The following KSR2 variants were observed in gnomAD, a reference collection of about 807,000 sequenced individuals.
The protein encoded by KSR2 is kinase suppressor of ras 2.
Under a neutral mutation model 107.8 loss-of-function variants are expected in KSR2, and 25 were observed. The ratio of observed to expected loss-of-function variants is 0.23; its 90% CI spans 0.17 to 0.32. The LOEUF (loss-of-function observed/expected upper bound fraction) is 0.32, where lower values mean the gene tolerates loss of function less well. KSR2 is among the 10% of genes least tolerant of loss of function. KSR2 has a pLI of 1.00. For synonymous variants in KSR2, 480 were observed against 507.0 expected, an observed-to-expected ratio of 0.95 and a Z score of 0.71; for missense variants, 887 against 1,268.9, an observed-to-expected ratio of 0.70 and a Z score of 4.57.
rs1488730281 is a variant in KSR2, at chr12:117,476,579, G to A, written c.2467C>T (p.Arg823Cys). The change falls in exon 17 of 20, where the codon CGC (arginine) becomes TGC (cysteine). Residue 823 changes from arginine (R) to cysteine (C), a missense_variant. Arg to Cys is a radical substitution (Grantham distance 180). Transcript: ENST00000339824. The stretch of plus-strand genomic sequence containing the variant: ...TGGCATAGCCAGCCATTCTGGATGC[G>A]CAGTTTGTCCTCCCGCCTGGAGAAG... The part of the protein sequence containing the change: ...LQAGRREDKL[R>C]IQNGWLCHLA... 13 of 1,611,066 alleles carry A rather than the reference G, an allele frequency of 8.1e-6. No homozygotes were observed. Among genetic ancestry groups the A allele is most frequent in the Middle Eastern group, 1.7e-4 (1 of 6,058 alleles).
intron 4 of KSR2, among the ~76,000 whole-genome samples, chr12:117,682,403 C>T (rs1190560556): frequency 6.6e-6 from 1 of 152,034 alleles, no homozygotes; most frequent in Admixed American, 6.6e-5. Context: ...ATGTCCTGCA[C>T]ATGTACTTCA....
rs138142700 is a variant in KSR2, at chr12:117,510,209, G to A, written c.2219+14643C>T. On this transcript the variant is annotated intron_variant, in intron 14 of 19. Transcript: ENST00000339824. ...CCAAAAGCACCAAGCCCACTGATACGTGGAAAAAGTCAAAGTGCTTAGAAC... is the reference window on the plus strand; with the variant it reads ...CCAAAAGCACCAAGCCCACTGATACATGGAAAAAGTCAAAGTGCTTAGAAC... Among the ~76,000 whole-genome samples, 448 of 152,282 alleles carry A rather than the reference G, an allele frequency of 2.9e-3. 4 individuals carry two copies. The highest frequency in any genetic ancestry group is 8.5e-3 in the African/African-American group (353 of 41,554).
At chr12:117,579,910 C>A (rs189335542) in intron 6 of KSR2, among the ~76,000 whole-genome samples, 19 of 152,272 alleles carry the variant, frequency 1.2e-4, no homozygotes, top group African/African-American at 4.3e-4. Context: ...CGATTAACTC[C>A]CTGGGCACAT....
intron 3 of KSR2, among the ~76,000 whole-genome samples, chr12:117,843,599 A>C (rs1263150454): frequency 6.6e-6 from 1 of 152,244 alleles, no homozygotes; most frequent in Admixed American, 6.5e-5. Flanking sequence ...CCTGAAGAGT[A>C]ACATGGGTTG....
At chr12:117,868,149 C>T (rs1018260455) in intron 1 of KSR2, among the ~76,000 whole-genome samples, 8 of 152,088 alleles carry the variant, frequency 5.3e-5, no homozygotes, top group African/African-American at 1.7e-4. Context: ...AAAATACGGC[C>T]GGGCACAGTG....
intron 5 of KSR2, among the ~76,000 whole-genome samples, chr12:117,612,815 T>A (rs1434053994): frequency 6.6e-6 from 1 of 152,190 alleles, no homozygotes; most frequent in Admixed American, 6.5e-5. Flanking sequence ...TGGATCATGG[T>A]GGCAGTTTCC....
chr12:117,536,706 A>G (rs1876079235), intron 10 of KSR2, among the ~76,000 whole-genome samples: 1 of 152,242 alleles, frequency 6.6e-6, no homozygotes, highest in Non-Finnish European at 1.5e-5. Flanking sequence ...TATATAGAGT[A>G]CTACATTCCT....
chr12:117,608,084 A>G lies in KSR2; in HGVS notation c.1172-25725T>C, dbSNP rs373018645. On this transcript the variant is annotated intron_variant, in intron 5 of 19. Coordinates refer to ENST00000339824, the MANE Select transcript of KSR2 (RefSeq NM_173598.6). ...AACTGTGGAGAGAAGGCAGCAAGGC[A>G]TTGGAGCAAACGATTAAGGCTTGAA... Among the ~76,000 whole-genome samples the G allele has an allele frequency of 2.6e-5, 4 of 152,378 alleles. 1 individual carries two copies. The highest frequency in any genetic ancestry group is 9.6e-5 in the African/African-American group (4 of 41,592).
rs193174084 is a variant in KSR2, at chr12:117,811,267, C to T, written c.472+44161G>A. 1.9e-3 allele frequency among the ~76,000 whole-genome samples: 294 copies of T among 152,310 alleles called. 1 individual carries two copies. Among genetic ancestry groups the T allele is most frequent in the Admixed American group, 5.1e-3 (78 of 15,310 alleles). ...GCCCTTCTCACAGGTGACAATGGGA[C>T]GTGACTATACCCCTCCCCACTTCTG... On this transcript the variant is annotated intron_variant, in intron 3 of 19. Coordinates refer to ENST00000339824, the MANE Select transcript of KSR2 (RefSeq NM_173598.6).
chr12:117,789,888 T>C (rs76862671), intron 3 of KSR2, among the ~76,000 whole-genome samples: 6,238 of 152,276 alleles, frequency 0.041, 175 homozygotes, highest in East Asian at 0.09. Context: ...CTGCAAAGTA[T>C]TGTCCACACA....
chr12:117,893,762 A>T (rs1487639774), intron 1 of KSR2, among the ~76,000 whole-genome samples: 15 of 152,194 alleles, frequency 9.9e-5, no homozygotes, highest in Admixed American at 9.8e-4. Context: ...CAAGGCCAAG[A>T]ATACGGTAAG....
At chr12:117,876,119 C>A (rs1221524592) in intron 1 of KSR2, among the ~76,000 whole-genome samples, 1 of 152,214 alleles carries the variant, frequency 6.6e-6, no homozygotes, top group Non-Finnish European at 1.5e-5. Flanking sequence ...GAGCAGACCC[C>A]GTGCGGGTAA....
intron 3 of KSR2, among the ~76,000 whole-genome samples, chr12:117,833,174 C>A (rs951784446): frequency 2.0e-5 from 3 of 152,180 alleles, no homozygotes; most frequent in Non-Finnish European, 4.4e-5. Context: ...TATCTCCTCC[C>A]TTTTTACAAG....
chr12:117,900,113 C>T (rs1278318254), intron 1 of KSR2, among the ~76,000 whole-genome samples: 2 of 152,178 alleles, frequency 1.3e-5, no homozygotes, highest in African/African-American at 4.8e-5. Flanking sequence ...GTCTGATCCA[C>T]AGAAACTGTG....
At chr12:117,467,240 G>T (rs751018917) in intron 19 of KSR2, 35 bp from the exon 20 acceptor site, 1 of 719,676 alleles carries the variant, frequency 1.4e-6, no homozygotes. Flanking sequence ...AGTGGTGAGA[G>T]GTCACAAGGA....
chr12:117,848,848 T>TGATGATGGC (rs1231088721), intron 3 of KSR2, among the ~76,000 whole-genome samples: 1 of 150,782 alleles, frequency 6.6e-6, no homozygotes, highest in Admixed American at 6.6e-5. Flanking sequence ...GTGGTGATGG[T>TGATGATGGC]GATGATGGTG....
chr12:117,764,425 G>A (rs751179882), intron 3 of KSR2, among the ~76,000 whole-genome samples: 24 of 152,144 alleles, frequency 1.6e-4, no homozygotes, highest in Non-Finnish European at 3.5e-4. Flanking sequence ...ATGAAGATCT[G>A]CTTAAGGTCA....
intron 3 of KSR2, among the ~76,000 whole-genome samples, chr12:117,848,841 G>GATGGTGA (rs1892811014): frequency 2.1e-5 from 3 of 141,780 alleles, no homozygotes; most frequent in Admixed American, 1.4e-4. Context: ...GGTAGTGGTG[G>GATGGTGA]TGATGGTGAT....
chr12:117,646,734 T>G (rs1568162), intron 5 of KSR2, among the ~76,000 whole-genome samples: 1 of 151,878 alleles, frequency 6.6e-6, no homozygotes, highest in Non-Finnish European at 1.5e-5. Context: ...GCCCCCTCCT[T>G]CTCACTCCTC....
Sources: allele counts gnomAD v4.1 joint callset (sites outside exome capture counted in the v4.1 genomes callset), GRCh38; gene constraint gnomAD v4.1.1; transcripts MANE v1.5; gene names NCBI Gene and HGNC (gene_info 2026-07-23, HGNC 2026-07-21).